Variants in ABTB2 observed in about 807,000 individuals in gnomAD.
ABTB2 encodes the protein ankyrin repeat and BTB domain containing 2, also known as ankyrin repeat and BTB/POZ domain-containing protein 2.
ABTB2 carries 56 observed loss-of-function variants against 104.1 expected under a neutral mutation model. The observed-to-expected ratio is 0.54, with a 90% CI of 0.43 to 0.67. The LOEUF is 0.67. Ranked by LOEUF, ABTB2 falls within the 30% of genes least tolerant of loss-of-function variation. The pLI is 0.00. For synonymous variants in ABTB2, 606 were observed against 608.2 expected, an observed-to-expected ratio of 1.00 and a Z score of 0.05; for missense variants, 1,279 against 1,407.7, an observed-to-expected ratio of 0.91 and a Z score of 1.46.
chr11:34,347,393 A>G (rs2009036), intron 1 of ABTB2, among the ~76,000 whole-genome samples: 92,238 of 152,084 alleles, frequency 0.61, 30,221 homozygotes, highest in East Asian at 0.88. Flanking sequence ...CTGAGATCGC[A>G]GCACTGCACT....
chr11:34,314,183 G>A (rs1005784058), intron 1 of ABTB2, among the ~76,000 whole-genome samples: 3 of 152,284 alleles, frequency 2.0e-5, no homozygotes, highest in African/African-American at 4.8e-5. Flanking sequence ...CAAAACCCTC[G>A]AGGGTCATGT....
intron 2 of ABTB2, among the ~76,000 whole-genome samples, chr11:34,204,339 T>TC (rs1411519794): frequency 6.6e-6 from 1 of 152,194 alleles, no homozygotes; most frequent in African/African-American, 2.4e-5. Context: ...GATCATTTGT[T>TC]TTTTCAAGAG....
At chr11:34,332,877 A>C (rs993576496) in intron 1 of ABTB2, among the ~76,000 whole-genome samples, 6 of 151,730 alleles carry the variant, frequency 4.0e-5, no homozygotes, top group Admixed American at 6.6e-5. Flanking sequence ...GCGTTCAGGG[A>C]GTCACAGGAC....
At chr11:34,233,409 C>G (rs895802304) in intron 1 of ABTB2, among the ~76,000 whole-genome samples, 1 of 151,662 alleles carries the variant, frequency 6.6e-6, no homozygotes. Context: ...TCACTGCAGC[C>G]TCCGCCTCCC....
intron 1 of ABTB2, among the ~76,000 whole-genome samples, chr11:34,301,778 G>A (rs1266503665): frequency 6.6e-6 from 1 of 152,206 alleles, no homozygotes; most frequent in Non-Finnish European, 1.5e-5. Flanking sequence ...GAGCCCAAGA[G>A]TTTGAGACCA....
intron 3 of ABTB2, among the ~76,000 whole-genome samples, chr11:34,195,481 C>CT (rs763782481): frequency 1.2e-4 from 19 of 152,222 alleles, no homozygotes; most frequent in Non-Finnish European, 2.1e-4. Context: ...TGCATTTGCC[C>CT]TCCAACTCCC....
At chr11:34,327,458 G>A (rs1176436150) in intron 1 of ABTB2, among the ~76,000 whole-genome samples, 2 of 152,122 alleles carry the variant, frequency 1.3e-5, no homozygotes, top group African/African-American at 2.4e-5. Flanking sequence ...CAGGGGAAAC[G>A]TGGCCTGGCT....
intron 3 of ABTB2, among the ~76,000 whole-genome samples, chr11:34,176,033 G>A (rs949469884): frequency 1.3e-5 from 2 of 152,184 alleles, no homozygotes; most frequent in Non-Finnish European, 2.9e-5. Flanking sequence ...TGTAATCCCA[G>A]CACTTTGGTA....
chr11:34,346,129 C>T (rs1855328661), intron 1 of ABTB2, among the ~76,000 whole-genome samples: 1 of 152,218 alleles, frequency 6.6e-6, no homozygotes, highest in South Asian at 2.1e-4. Flanking sequence ...CTCTCATTTT[C>T]CCTCCTCTTT....
At chr11:34,160,203 G>C (rs965433472) in intron 12 of ABTB2, 45 bp downstream of exon 12, 1 of 1,502,080 alleles carries the variant, frequency 6.7e-7, no homozygotes, top group Non-Finnish European at 9.3e-7. Flanking sequence ...AAGGGAAGAG[G>C]GGGAGGACGT....
chr11:34,272,046 A>G (rs1019665888), intron 1 of ABTB2, among the ~76,000 whole-genome samples: 1 of 152,120 alleles, frequency 6.6e-6, no homozygotes, highest in African/African-American at 2.4e-5. Flanking sequence ...GGTGGGTACT[A>G]CCCAGTGGTC....
chr11:34,303,072 T>C (rs1226295812), intron 1 of ABTB2, among the ~76,000 whole-genome samples: 3 of 152,198 alleles, frequency 2.0e-5, no homozygotes, highest in African/African-American at 7.2e-5. Context: ...CACAGAACAC[T>C]TTCTCAGGTA....
rs1283831799 is a variant in ABTB2 at position 34,161,009 on chromosome 11, A to G, written c.2291T>C (p.Val764Ala). ...TSFSQSRYSVVQSLLRDFSSI... is the reference protein window; with the variant it reads ...TSFSQSRYSVAQSLLRDFSSI... ...GCTGAAGTCCCGCAGGAGGCTCTGC[A>G]CCACCGAGTACCGCGACTGCGAGAA... The change falls in exon 11 of 17, where the codon GTG (valine) becomes GCG (alanine). Residue 764 changes from valine (V) to alanine (A), a missense_variant. Val to Ala is a moderately conservative substitution (Grantham distance 64, BLOSUM62 0). Transcript: ENST00000435224. The G allele has an allele frequency of 6.2e-7, 1 of 1,613,680 alleles. No individual in the cohort carries two copies.
chr11:34,332,817 TAA>T (rs571303088), intron 1 of ABTB2, among the ~76,000 whole-genome samples: 9 of 141,468 alleles, frequency 6.4e-5, no homozygotes, highest in South Asian at 2.3e-4. Context: ...TGGTTTCAGT[TAA>T]AAAAAAAAAA....
chr11:34,190,273 A>AC (rs1554981974), intron 3 of ABTB2, among the ~76,000 whole-genome samples: 41 of 4,564 alleles, frequency 9.0e-3, no homozygotes, highest in South Asian at 0.014. Flanking sequence ...CTGCCCCCCC[A>AC]AAAAAAAAAA....
intron 1 of ABTB2, among the ~76,000 whole-genome samples, chr11:34,273,980 G>A (rs1017240905): frequency 6.7e-6 from 1 of 150,260 alleles, no homozygotes; most frequent in Non-Finnish European, 1.5e-5. Context: ...GTGAAACCCC[G>A]TCTCTACTAA....
At chr11:34,237,830 G>A (rs1490215969) in intron 1 of ABTB2, among the ~76,000 whole-genome samples, 3 of 152,130 alleles carry the variant, frequency 2.0e-5, no homozygotes, top group African/African-American at 7.2e-5. Context: ...GGTGGGAAGT[G>A]GAAGTTGCAG....
intron 1 of ABTB2, among the ~76,000 whole-genome samples, chr11:34,256,459 C>T (rs1854124263): frequency 6.6e-6 from 1 of 152,208 alleles, no homozygotes; most frequent in African/African-American, 2.4e-5. Flanking sequence ...TCTGCACCTC[C>T]ACTGAAATAA....
At chr11:34,182,497 T>TGGGCG (rs1554981445) in intron 3 of ABTB2, among the ~76,000 whole-genome samples, 1 of 69,900 alleles carries the variant, frequency 1.4e-5, no homozygotes, top group African/African-American at 8.6e-5. Context: ...TTGGGTTCTC[T>TGGGCG]GGGGGGGGGG....
Sources: gnomAD v4.1 joint callset for allele counts (sites outside exome capture counted in the v4.1 genomes callset) on GRCh38, gnomAD v4.1.1 for gene constraint, MANE v1.5 for transcripts, NCBI Gene and HGNC (gene_info 2026-07-23, HGNC 2026-07-21) for gene names.